PELI2: variants seen among roughly 807,000 people sequenced by gnomAD.
The protein encoded by PELI2 is pellino E3 ubiquitin protein ligase family member 2, also known as E3 ubiquitin-protein ligase pellino homolog 2.
In PELI2, 23 loss-of-function variants were observed where a neutral mutation model predicts 42.3. The ratio of observed to expected loss-of-function variants is 0.54; its 90% confidence interval spans 0.39 to 0.77. PELI2 has a LOEUF of 0.77. PELI2 is among the 30% of genes least tolerant of loss of function. PELI2 has a pLI of 0.00. For synonymous variants in PELI2, 245 were observed against 212.2 expected (o/e 1.15, Z -1.34); for missense variants, 463 against 553.2 (o/e 0.84, Z 1.64).
At chr14:56,275,335 A>G (rs535496129) in intron 2 of PELI2, among the ~76,000 whole-genome samples, 1 of 152,280 alleles carries the variant, frequency 6.6e-6, no homozygotes, top group South Asian at 2.1e-4. Flanking sequence ...CGGACCGGGG[A>G]GGCACATGGT....
intron 1 of PELI2, among the ~76,000 whole-genome samples, chr14:56,155,742 C>T (rs1043493046): frequency 9.6e-5 from 12 of 124,868 alleles, no homozygotes; most frequent in Non-Finnish European, 1.6e-4. Flanking sequence ...CCACCACGCC[C>T]GGCTAATTTT....
rs372290463 is a variant in PELI2, at chr14:56,128,437, A to G, written c.77+9700A>G. On this transcript the variant is annotated intron_variant, in intron 1 of 5. Coordinates refer to ENST00000267460, the MANE Select transcript of PELI2 (RefSeq NM_021255.3). ...CCAGCTTAATGACTTGTCCAAGCTC[A>G]CTCCCCTAGTTAGTGGGAATCTGAT... Among the ~76,000 whole-genome samples the G allele has an allele frequency of 1.4e-4, 21 of 152,176 alleles. 1 individual carries two copies. The highest frequency in any genetic ancestry group is 8.5e-4 in the Admixed American group (13 of 15,290).
intron 2 of PELI2, among the ~76,000 whole-genome samples, chr14:56,181,920 G>C (rs1201562363): frequency 6.6e-6 from 1 of 151,948 alleles, no homozygotes; most frequent in Non-Finnish European, 1.5e-5. Context: ...CTGTTGCATA[G>C]GCATAGGGCT....
chr14:56,263,937 A>T (rs1013664756), intron 2 of PELI2, among the ~76,000 whole-genome samples: 13 of 152,360 alleles, frequency 8.5e-5, no homozygotes, highest in Admixed American at 6.5e-4. Context: ...AAAATTTTTT[A>T]AAATACTATT....
At chr14:56,136,354 C>T (rs76377620) in intron 1 of PELI2, among the ~76,000 whole-genome samples, 2,756 of 152,196 alleles carry the variant, frequency 0.018, 82 homozygotes, top group African/African-American at 0.063. Context: ...GGTGCATCTG[C>T]GGTGCTTATA....
chr14:56,137,077 C>T (rs1883711756), intron 1 of PELI2, among the ~76,000 whole-genome samples: 1 of 152,174 alleles, frequency 6.6e-6, no homozygotes, highest in African/African-American at 2.4e-5. Context: ...TTCACCTACC[C>T]AGTAGAAACC....
chr14:56,196,126 A>T (rs948715386), intron 2 of PELI2, among the ~76,000 whole-genome samples: 2 of 152,248 alleles, frequency 1.3e-5, no homozygotes, highest in African/African-American at 4.8e-5. Context: ...TGTGGAGGTT[A>T]CATTGTATAA....
In PELI2 at chr14:56,301,418, C is replaced by T. The variant is rs1200903056; in HGVS notation, c.*4252C>T. The T allele has an allele frequency of 2.6e-5, 4 of 152,526 alleles. No individual in the cohort carries two copies. Among genetic ancestry groups the T allele is most frequent in the Non-Finnish European group, 4.4e-5 (3 of 68,016 alleles). The allele number at this position is 152,526 out of a possible 1,614,324, so 9.4% of individuals were successfully genotyped here. ...CTTCTCTAACTTCCAAGTTAATCTC[C>T]AGCTGTTGAGTTTATTAATTGTTTT... is the stretch of plus-strand genomic sequence containing the variant. On this transcript the variant is annotated 3_prime_UTR_variant, in exon 6 of 6. Coordinates refer to ENST00000267460, the MANE Select transcript of PELI2 (RefSeq NM_021255.3).
At position 56,298,220 on chromosome 14, in the gene PELI2, T is replaced by C. The variant is rs1033509923; in HGVS notation, c.*1054T>C. ...GCAGCTTAAGGAGCCCAGTAAGTTT[T>C]GAAAATGTTTGCGAATCAAACTAAA... On this transcript the variant is annotated 3_prime_UTR_variant, in exon 6 of 6. Coordinates refer to ENST00000267460, the MANE Select transcript of PELI2 (RefSeq NM_021255.3). 2 of 152,586 alleles carry C rather than the reference T, an allele frequency of 1.3e-5. No homozygotes were observed. The highest frequency in any genetic ancestry group is 2.9e-5 in the Non-Finnish European group (2 of 68,030). The allele number at this position is 152,586 out of a possible 1,614,324, so 9.5% of individuals were successfully genotyped here.
chr14:56,174,149 C>T (rs1186246726), intron 1 of PELI2, among the ~76,000 whole-genome samples: 2 of 152,124 alleles, frequency 1.3e-5, no homozygotes, highest in East Asian at 1.9e-4. Flanking sequence ...GTGATCCACC[C>T]GCCTCGGCCT....
chr14:56,178,055 A>G (rs1566621738), intron 1 of PELI2, among the ~76,000 whole-genome samples: 2 of 152,212 alleles, frequency 1.3e-5, no homozygotes, highest in Non-Finnish European at 2.9e-5. Flanking sequence ...TCATTTGCTT[A>G]TTTATACTCT....
intron 2 of PELI2, among the ~76,000 whole-genome samples, chr14:56,267,036 G>A (rs539894256): frequency 3.3e-5 from 5 of 152,006 alleles, no homozygotes; most frequent in Non-Finnish European, 5.9e-5. Flanking sequence ...TCTCTGGAAG[G>A]ATATATAAGA....
chr14:56,188,342 A>T (rs1056003467), intron 2 of PELI2, among the ~76,000 whole-genome samples: 1 of 152,200 alleles, frequency 6.6e-6, no homozygotes, highest in African/African-American at 2.4e-5. Flanking sequence ...GCAAACCCAC[A>T]GGCACATGCA....
intron 1 of PELI2, among the ~76,000 whole-genome samples, chr14:56,140,560 C>T (rs1009738317): frequency 6.6e-6 from 1 of 152,318 alleles, no homozygotes; most frequent in South Asian, 2.1e-4. Context: ...GTCAAGACTA[C>T]CTACATTAAA....
intron 2 of PELI2, among the ~76,000 whole-genome samples, chr14:56,269,867 T>G (rs12894473): frequency 0.16 from 24,971 of 152,260 alleles, 2,398 homozygotes; most frequent in South Asian, 0.35. Flanking sequence ...GAATGTCACC[T>G]GCCCAACTCT....
At chr14:56,262,736 T>C (rs1888753887) in intron 2 of PELI2, among the ~76,000 whole-genome samples, 4 of 152,166 alleles carry the variant, frequency 2.6e-5, no homozygotes, top group Admixed American at 2.6e-4. Context: ...TTGTTCCTGA[T>C]CTAACTCTCT....
intron 2 of PELI2, among the ~76,000 whole-genome samples, chr14:56,204,237 T>C (rs991745278): frequency 6.6e-6 from 1 of 152,216 alleles, no homozygotes; most frequent in Non-Finnish European, 1.5e-5. Context: ...TTAGAAGCTA[T>C]TGTCCAGGCA....
At chr14:56,296,131 C>T (rs1889991581) in intron 5 of PELI2, among the ~76,000 whole-genome samples, 1 of 152,154 alleles carries the variant, frequency 6.6e-6, no homozygotes, top group South Asian at 2.1e-4. Flanking sequence ...TAAGGGTCAC[C>T]AGGAGTGCTT....
Position 56,297,232 on chromosome 14 carries a change from A to C in PELI2, c.*66A>C. On this transcript the variant is annotated 3_prime_UTR_variant, in exon 6 of 6. Transcript: ENST00000267460. ...GTGAAGATTTTGCCACTAACTCTAG[A>C]TTTTACCTTTTTGTAATGCTGTTTA... is the stretch of plus-strand genomic sequence containing the variant. 1.8e-6 allele frequency: 2 copies of C among 1,116,360 alleles called. No individual in the cohort carries two copies. Among genetic ancestry groups the C allele is most frequent in the Non-Finnish European group, 1.3e-6 (1 of 780,618 alleles). The allele number at this position is 1,116,360 out of a possible 1,614,324, so 69.2% of individuals were successfully genotyped here. A position where few individuals can be genotyped will look rare whatever the true frequency, so the allele number is the denominator to read the frequency against.
Sources: allele counts gnomAD v4.1 joint callset (sites outside exome capture counted in the v4.1 genomes callset), GRCh38; gene constraint gnomAD v4.1.1; transcripts MANE v1.5; gene names NCBI Gene and HGNC (gene_info 2026-07-23, HGNC 2026-07-21).